DST: variants seen among roughly 807,000 people sequenced by gnomAD.
DST encodes dystonin.
DST carries 253 observed loss-of-function variants against 875.2 expected under a neutral mutation model. That is an observed-to-expected ratio of 0.29 (90% CI 0.26 to 0.32). DST has a LOEUF of 0.32. Ranked by LOEUF, DST falls within the 10% of genes least tolerant of loss-of-function variation. The pLI is 1.00. For synonymous variants in DST, 3,124 were observed against 3,197.1 expected, an observed-to-expected ratio of 0.98 and a Z score of 0.77; for missense variants, 8,287 against 9,111.6, an observed-to-expected ratio of 0.91 and a Z score of 3.68.
At chr6:56,567,815 T>A (rs71564845) in intron 55 of DST, among the ~76,000 whole-genome samples, 7 of 152,142 alleles carry the variant, frequency 4.6e-5, no homozygotes, top group East Asian at 1.9e-4. Context: ...ATTATTTTTT[T>A]AAAAAAACTT....
At chr6:56,483,249 C>T (rs2095455557) in intron 88 of DST, among the ~76,000 whole-genome samples, 1 of 152,172 alleles carries the variant, frequency 6.6e-6, no homozygotes, top group Non-Finnish European at 1.5e-5. Flanking sequence ...GTCCCAATTT[C>T]TCTCAAATCA....
intron 55 of DST, among the ~76,000 whole-genome samples, chr6:56,567,943 G>T (rs1585112579): frequency 6.6e-6 from 1 of 152,246 alleles, no homozygotes; most frequent in East Asian, 1.9e-4. Flanking sequence ...CCATGACTTA[G>T]ATTGCGATAC....
At chr6:56,854,990 G>A (rs900517190) in intron 3 of DST, among the ~76,000 whole-genome samples, 4 of 152,180 alleles carry the variant, frequency 2.6e-5, no homozygotes, top group Non-Finnish European at 5.9e-5. Context: ...AAGAGCTGTG[G>A]AGTAACCATA....
chr6:56,644,741 A>G (rs2098932117), intron 15 of DST, among the ~76,000 whole-genome samples: 1 of 152,316 alleles, frequency 6.6e-6, no homozygotes, highest in South Asian at 2.1e-4. Flanking sequence ...GTTTAGGTGT[A>G]AGGCAGCCAG....
intron 3 of DST, among the ~76,000 whole-genome samples, chr6:56,874,205 G>T (rs1778655397): frequency 6.6e-6 from 1 of 152,136 alleles, no homozygotes; most frequent in African/African-American, 2.4e-5. Flanking sequence ...TGCCTCTGGT[G>T]GGTCACACCT....
At chr6:56,478,381 G>A (rs1335281648) in intron 90 of DST, among the ~76,000 whole-genome samples, 1 of 152,138 alleles carries the variant, frequency 6.6e-6, no homozygotes, top group Non-Finnish European at 1.5e-5. Flanking sequence ...CAGCCCATGT[G>A]AGAACTGTCC....
At chr6:56,581,474 G>C (rs796169118) in intron 49 of DST, among the ~76,000 whole-genome samples, 21 of 152,280 alleles carry the variant, frequency 1.4e-4, no homozygotes, top group African/African-American at 4.8e-4. Flanking sequence ...AGACTAATGA[G>C]TCCTTGAATT....
rs151092377 is a variant in DST at position 56,580,711 on chromosome 6, G to A, written c.12904-1774C>T. On this transcript the variant is annotated intron_variant, in intron 49 of 103. Transcript: ENST00000680361. ...AAGATTTTGAGCCTAGGTAATTAGC[G>A]GAATTTACTTTTTCTTTTTTTTTTT... Among the ~76,000 whole-genome samples, 432 of 150,240 alleles carry A rather than the reference G, an allele frequency of 2.9e-3. 2 individuals are homozygous for A. Among genetic ancestry groups the A allele is most frequent in the African/African-American group, 9.8e-3 (401 of 40,992 alleles).
Position 56,602,877 on chromosome 6 carries a change from C to T in DST, c.11307+5G>A. 7.3e-6 allele frequency: 11 copies of T among 1,502,536 alleles called. No homozygotes were observed. The highest frequency in any genetic ancestry group is 9.7e-6 in the Non-Finnish European group (11 of 1,131,842). The allele number at this position is 1,502,536 out of a possible 1,614,324, so 93.1% of individuals were successfully genotyped here. The stretch of plus-strand genomic sequence containing the variant: ...ATATTTTGTCATCTTTGTTTTGATA[C>T]TTGCCTTGAGAAACTCCAAACGTTT... On this transcript the variant is annotated splice_donor_5th_base_variant and intron_variant, in intron 43 of 103. Coordinates refer to ENST00000680361, the MANE Select transcript of DST (RefSeq NM_001374736.1).
chr6:56,883,334 A>C (rs534627589), intron 3 of DST, among the ~76,000 whole-genome samples: 1 of 152,356 alleles, frequency 6.6e-6, no homozygotes, highest in African/African-American at 2.4e-5. Flanking sequence ...TATTTGTTTA[A>C]GTTTTAAATA....
chr6:56,546,141 T>C, intron 61 of DST, among the ~76,000 whole-genome samples: 1 of 151,618 alleles, frequency 6.6e-6, no homozygotes, highest in Non-Finnish European at 1.5e-5. Flanking sequence ...ATTCACCAAC[T>C]GATCTTGACA....
chr6:56,748,625 A>G (rs1234207410), intron 4 of DST, among the ~76,000 whole-genome samples: 2 of 152,196 alleles, frequency 1.3e-5, no homozygotes, highest in Non-Finnish European at 2.9e-5. Context: ...TCACAACACT[A>G]TACACTACAG....
At chr6:56,856,706 T>C (rs1389206541) in intron 3 of DST, among the ~76,000 whole-genome samples, 1 of 152,124 alleles carries the variant, frequency 6.6e-6, no homozygotes, top group East Asian at 1.9e-4. Context: ...TAAAAAGACA[T>C]TTTGGGGCAA....
chr6:56,826,375 AAT>A (rs1476545343), intron 4 of DST, among the ~76,000 whole-genome samples: 1 of 152,204 alleles, frequency 6.6e-6, no homozygotes, highest in African/African-American at 2.4e-5. Flanking sequence ...TATGCATGAA[AAT>A]ATTTAATAAT....
chr6:56,575,758 AAG>A (rs1403544683), intron 50 of DST, among the ~76,000 whole-genome samples: 3 of 152,130 alleles, frequency 2.0e-5, no homozygotes, highest in African/African-American at 7.2e-5. Flanking sequence ...TACAGACACT[AAG>A]AGAATCTTTT....
intron 72 of DST, among the ~76,000 whole-genome samples, chr6:56,511,980 T>C (rs939962925): frequency 6.6e-6 from 1 of 152,206 alleles, no homozygotes; most frequent in Non-Finnish European, 1.5e-5. Context: ...CACAAGGCAT[T>C]GCATTTATAT....
rs1213848467 is a variant in DST at position 56,900,449 on chromosome 6, G to A, written c.389C>T (p.Ser130Phe). ...SSRVQPEFYH[S>F]VQGASIRRPS... Reference sequence around the variant, plus strand: ...CCTCCTGATTGAAGCACCTTGAACAGAGTGATAAAATTCTGGCTGGACTCG... The same window carrying A: ...CCTCCTGATTGAAGCACCTTGAACAAAGTGATAAAATTCTGGCTGGACTCG... Residue 130 changes from serine to phenylalanine, a missense_variant, in exon 3 of 104, where the codon TCT becomes TTT. Around this residue, in one of 10 missense-constraint regions of DST, gnomAD observed 1,160 missense variants for 1,424.3 expected, o/e 0.81. Coordinates refer to ENST00000680361, the MANE Select transcript of DST (RefSeq NM_001374736.1). 2.2e-6 allele frequency: 3 copies of A among 1,367,714 alleles called. No homozygotes were observed. The highest frequency in any genetic ancestry group is 2.9e-6 in the Non-Finnish European group (3 of 1,021,858). The allele number at this position is 1,367,714 out of a possible 1,614,324, so 84.7% of individuals were successfully genotyped here. A position where few individuals can be genotyped will look rare whatever the true frequency, so the allele number is the denominator to read the frequency against.
intron 36 of DST, chr6:56,616,038 G>A (rs2098613262): frequency 1.9e-6 from 3 of 1,614,088 alleles, no homozygotes; most frequent in Middle Eastern, 1.6e-4. Flanking sequence ...AGGCATCGGA[G>A]GGCAGTAATC....
At chr6:56,548,887 A>C (rs562288979) in intron 61 of DST, among the ~76,000 whole-genome samples, 1 of 152,370 alleles carries the variant, frequency 6.6e-6, no homozygotes, top group African/African-American at 2.4e-5. Context: ...CTAACACAAA[A>C]GATAACACCA....
Sources: allele counts gnomAD v4.1 joint callset (sites outside exome capture counted in the v4.1 genomes callset), GRCh38; gene constraint gnomAD v4.1.1; regional missense constraint gnomAD v4.1.1; transcripts MANE v1.5; gene names NCBI Gene and HGNC (gene_info 2026-07-23, HGNC 2026-07-21).